The following DTNB variants were observed in gnomAD, a reference collection of about 807,000 sequenced individuals.
DTNB encodes the protein dystrobrevin beta.
A neutral mutation model predicts 90.7 loss-of-function variants in DTNB; 63 were observed. The observed-to-expected ratio is 0.69, with a 90% CI of 0.57 to 0.86. The LOEUF is 0.86. Ranked by LOEUF, DTNB falls within the 40% of genes least tolerant of loss-of-function variation. DTNB has a pLI of 0.00. For missense variants in DTNB, 744 were observed against 807.1 expected (o/e 0.92, Z 0.95); for synonymous variants, 277 against 286.7 (o/e 0.97, Z 0.34).
intron 13 of DTNB, 28 bp downstream of exon 13, chr2:25,433,882 G>A: frequency 3.7e-6 from 6 of 1,611,200 alleles, no homozygotes; most frequent in Non-Finnish European, 5.1e-6. Flanking sequence ...CTGGACTCTG[G>A]AAGTGGGCTC....
At chr2:25,631,294 G>A (rs2075690584) in intron 3 of DTNB, among the ~76,000 whole-genome samples, 1 of 152,154 alleles carries the variant, frequency 6.6e-6, no homozygotes, top group Non-Finnish European at 1.5e-5. Context: ...TAATTCATAA[G>A]AAAGATATCA....
At position 25,547,410 on chromosome 2, in the gene DTNB, C is replaced by T. The variant is rs139684947; in HGVS notation, c.877-15813G>A. 6.9e-3 allele frequency among the ~76,000 whole-genome samples: 1,036 copies of T among 151,002 alleles called. 12 individuals carry two copies. Among genetic ancestry groups the T allele is most frequent in the African/African-American group, 0.022 (899 of 40,958 alleles). On this transcript the variant is annotated intron_variant, in intron 8 of 20. Coordinates refer to ENST00000406818, the MANE Select transcript of DTNB (RefSeq NM_021907.5). The stretch of plus-strand genomic sequence containing the variant: ...CACAATCTCGGCTCACTGCAACCTC[C>T]GCCTCCCGATTCAAGGAATTCTCCT...
Position 25,427,538 on chromosome 2 carries a change from C to T in DTNB, c.1551G>A (p.Leu517=). 6.2e-7 allele frequency: 1 copy of T among 1,613,770 alleles called. No individual in the cohort carries two copies. The highest frequency in any genetic ancestry group is 8.5e-7 in the Non-Finnish European group (1 of 1,179,790). The part of the protein sequence containing the change: ...MVQLEELMKL[L]KEEEQKQAAQ... The stretch of plus-strand genomic sequence containing the variant: ...AGCGTGGGCCACGGGCTCTTACCTT[C>T]AGCAACTTCATCAGCTCTTCCAGCT... Residue 517 remains leucine, a synonymous_variant, in exon 15 of 21, where the codon CTG becomes CTA. Coordinates refer to ENST00000406818, the MANE Select transcript of DTNB (RefSeq NM_021907.5).
intron 9 of DTNB, among the ~76,000 whole-genome samples, chr2:25,513,328 A>G (rs1207488221): frequency 1.3e-5 from 2 of 152,254 alleles, no homozygotes; most frequent in Admixed American, 6.5e-5. Context: ...CTCCAATACT[A>G]TGAATGATTA....
chr2:25,515,158 A>G lies in DTNB; in HGVS notation c.1001+16315T>C, dbSNP rs190920752. 1.4e-3 allele frequency among the ~76,000 whole-genome samples: 214 copies of G among 152,292 alleles called. 4 individuals carry two copies. The Middle Eastern group carries it at 0.051, about 36-fold the overall frequency. On this transcript the variant is annotated intron_variant, in intron 9 of 20. Transcript: ENST00000406818. ...GCAAACACAGAAGGCAAGAAAAACA[A>G]AAAGCAGAACAAACACACCGAAAAA...
At chr2:25,655,081 T>C (rs1229650317) in intron 1 of DTNB, among the ~76,000 whole-genome samples, 1 of 152,212 alleles carries the variant, frequency 6.6e-6, no homozygotes, top group East Asian at 1.9e-4. Flanking sequence ...AAGGTCTAAC[T>C]GTCCAGTTTC....
intron 18 of DTNB, 46 bp from the exon 19 acceptor site, chr2:25,383,935 C>G: frequency 6.2e-7 from 1 of 1,613,840 alleles, no homozygotes; most frequent in Non-Finnish European, 8.5e-7. Flanking sequence ...CGGCACAGGA[C>G]AAGTACAGAA....
chr2:25,550,348 G>C (rs928381127), intron 8 of DTNB, among the ~76,000 whole-genome samples: 2 of 152,040 alleles, frequency 1.3e-5, no homozygotes, highest in Non-Finnish European at 2.9e-5. Flanking sequence ...CCGAGATCGC[G>C]CCACTGCACT....
chr2:25,385,954 GAGAAATTTCCTCTAAA>G, intron 18 of DTNB: 1 of 929,158 alleles, frequency 1.1e-6, no homozygotes. Flanking sequence ...GAAATTCCCT[GAGAAATTTCCTCTAAA>G]AGTGGGATTT....
chr2:25,466,572 C>CG (rs1395761942), intron 10 of DTNB, among the ~76,000 whole-genome samples: 3 of 152,168 alleles, frequency 2.0e-5, no homozygotes, highest in Non-Finnish European at 2.9e-5. Context: ...AGTCACTCAG[C>CG]CAGGCGAGTG....
At chr2:25,543,098 T>C (rs2081633904) in intron 8 of DTNB, among the ~76,000 whole-genome samples, 1 of 152,200 alleles carries the variant, frequency 6.6e-6, no homozygotes, top group Non-Finnish European at 1.5e-5. Flanking sequence ...GATAAAAATA[T>C]ACAAAGTCTA....
intron 8 of DTNB, among the ~76,000 whole-genome samples, chr2:25,571,638 C>T (rs1034469324): frequency 1.3e-5 from 2 of 152,158 alleles, no homozygotes; most frequent in Admixed American, 6.5e-5. Context: ...TCCAATCTCC[C>T]CAGCCCTAAG....
chr2:25,583,724 T>C lies in DTNB; in HGVS notation c.604-2898A>G, dbSNP rs148892372. 5.7e-3 allele frequency among the ~76,000 whole-genome samples: 862 copies of C among 152,246 alleles called. 10 individuals are homozygous for C. Among genetic ancestry groups the C allele is most frequent in the African/African-American group, 0.02 (815 of 41,546 alleles). ...TTTAGTAAGATGGGATTTCACCATG[T>C]TGGCCAGGATGGTCTCGATCTCCTA... On this transcript the variant is annotated intron_variant, in intron 6 of 20. Coordinates refer to ENST00000406818, the MANE Select transcript of DTNB (RefSeq NM_021907.5).
chr2:25,390,603 ATGCCTGGCTT>A (rs2040830432), intron 16 of DTNB, among the ~76,000 whole-genome samples: 1 of 151,484 alleles, frequency 6.6e-6, no homozygotes, highest in Non-Finnish European at 1.5e-5. Context: ...GTGTGCCACC[ATGCCTGGCTT>A]TTCTTATATT....
At chr2:25,589,993 G>A (rs2063248463) in intron 6 of DTNB, among the ~76,000 whole-genome samples, 1 of 152,210 alleles carries the variant, frequency 6.6e-6, no homozygotes, top group Admixed American at 6.5e-5. Context: ...GCTGCAGTGG[G>A]GCAGGCAGCT....
chr2:25,644,089 C>G (rs948394917), intron 2 of DTNB, among the ~76,000 whole-genome samples: 1 of 152,200 alleles, frequency 6.6e-6, no homozygotes, highest in African/African-American at 2.4e-5. Context: ...CATGAATAAT[C>G]CACCTCTTGT....
chr2:25,588,652 T>C (rs906355549), intron 6 of DTNB, among the ~76,000 whole-genome samples: 5 of 152,158 alleles, frequency 3.3e-5, no homozygotes, highest in African/African-American at 1.2e-4. Context: ...CGTGAGCCAC[T>C]GTGCCTGGCC....
Position 25,494,702 on chromosome 2 carries a change from C to T in DTNB, c.1002-11829G>A, listed in dbSNP as rs190399343. 3.5e-3 allele frequency among the ~76,000 whole-genome samples: 539 copies of T among 152,164 alleles called. 9 individuals carry two copies. Among genetic ancestry groups the T allele is most frequent in the African/African-American group, 0.012 (501 of 41,510 alleles). ...ATGCTTAGGAAGAAAGAGTTTCTGC[C>T]CAGAATCTCACAGCTTTACCACTGG... is the stretch of plus-strand genomic sequence containing the variant. On this transcript the variant is annotated intron_variant, in intron 9 of 20. Transcript: ENST00000406818.
Position 25,550,306 on chromosome 2 carries a change from G to T in DTNB, c.877-18709C>A, listed in dbSNP as rs536870492. Among the ~76,000 whole-genome samples the T allele has an allele frequency of 3.9e-5, 6 of 152,250 alleles. No individual in the cohort carries two copies. In the East Asian group the frequency reaches 9.7e-4, roughly 25 times the overall value. On this transcript the variant is annotated intron_variant, in intron 8 of 20. Transcript: ENST00000406818. ...CTCGGGAGGCTGAGGCAAGAGAATG[G>T]CGTGAACCCGGGAGGCGGAGCTTGC...
Sources: gnomAD v4.1 joint callset for allele counts (sites outside exome capture counted in the v4.1 genomes callset) on GRCh38, gnomAD v4.1.1 for gene constraint, MANE v1.5 for transcripts, NCBI Gene and HGNC (gene_info 2026-07-23, HGNC 2026-07-21) for gene names.